The following IPCEF1 variants were observed in gnomAD, a reference collection of about 807,000 sequenced individuals.
The protein encoded by IPCEF1 is interactor protein for cytohesin exchange factors 1.
A neutral mutation model predicts 50.9 loss-of-function variants in IPCEF1; 31 were observed. That is an observed-to-expected ratio of 0.61 (90% CI 0.46 to 0.82). IPCEF1 has a LOEUF of 0.82. Ranked by LOEUF, IPCEF1 falls within the 40% of genes least tolerant of loss-of-function variation. IPCEF1 has a pLI of 0.00. For synonymous variants in IPCEF1, 181 were observed against 192.0 expected, an observed-to-expected ratio of 0.94 and a Z score of 0.47; for missense variants, 458 against 514.0, an observed-to-expected ratio of 0.89 and a Z score of 1.05.
At chr6:154,221,920 C>A (rs961339511) in intron 6 of IPCEF1, among the ~76,000 whole-genome samples, 10 of 152,148 alleles carry the variant, frequency 6.6e-5, no homozygotes, top group Admixed American at 5.2e-4. Flanking sequence ...GGTATATCCT[C>A]TTCCTTTCAC....
At chr6:154,313,821 GC>G (rs1265477458) in intron 1 of IPCEF1, among the ~76,000 whole-genome samples, 1 of 152,070 alleles carries the variant, frequency 6.6e-6, no homozygotes, top group Admixed American at 6.6e-5. Context: ...TCAGCTCACT[GC>G]AGCCTCAAAC....
intron 1 of IPCEF1, among the ~76,000 whole-genome samples, chr6:154,308,411 G>C (rs1782993195): frequency 1.3e-5 from 2 of 152,270 alleles, no homozygotes; most frequent in Non-Finnish European, 2.9e-5. Context: ...ACAGGCTTGA[G>C]CCACCACACC....
intron 5 of IPCEF1, among the ~76,000 whole-genome samples, chr6:154,244,790 A>G (rs1780898159): frequency 6.6e-6 from 1 of 152,220 alleles, no homozygotes; most frequent in African/African-American, 2.4e-5. Flanking sequence ...TATTTGCTAA[A>G]TAATTTGATT....
At chr6:154,305,135 A>G (rs1400049355) in intron 1 of IPCEF1, among the ~76,000 whole-genome samples, 1 of 146,456 alleles carries the variant, frequency 6.8e-6, no homozygotes, top group African/African-American at 2.7e-5. Context: ...AAAGAAAAGA[A>G]AAGAAAGAAA....
intron 1 of IPCEF1, among the ~76,000 whole-genome samples, chr6:154,343,857 G>A (rs770563108): frequency 2.0e-5 from 3 of 152,196 alleles, no homozygotes; most frequent in Middle Eastern, 3.2e-3. Flanking sequence ...TAGAAACTGG[G>A]TCCACCCAAC....
intron 1 of IPCEF1, among the ~76,000 whole-genome samples, chr6:154,298,861 C>T (rs527472361): frequency 6.6e-6 from 1 of 151,732 alleles, no homozygotes; most frequent in East Asian, 1.9e-4. Flanking sequence ...ACTTGGGAAG[C>T]TGAGGCAGGA....
intron 10 of IPCEF1, among the ~76,000 whole-genome samples, chr6:154,178,546 C>A (rs1296760104): frequency 6.6e-6 from 1 of 152,044 alleles, no homozygotes; most frequent in East Asian, 1.9e-4. Context: ...TTGGGTTGGG[C>A]AACTGTGTAT....
chr6:154,334,356 G>C (rs1783743510), intron 1 of IPCEF1, among the ~76,000 whole-genome samples: 1 of 152,154 alleles, frequency 6.6e-6, no homozygotes, highest in Non-Finnish European at 1.5e-5. Flanking sequence ...TTGGCTCTCA[G>C]TTCCCCATCC....
intron 11 of IPCEF1, among the ~76,000 whole-genome samples, chr6:154,162,135 G>A (rs940140316): frequency 3.3e-5 from 5 of 152,162 alleles, no homozygotes; most frequent in South Asian, 4.1e-4. Context: ...TGTGCTCCTA[G>A]TAAAGGCCAA....
chr6:154,321,778 T>C (rs1384749181), intron 1 of IPCEF1, among the ~76,000 whole-genome samples: 1 of 51,936 alleles, frequency 1.9e-5, no homozygotes, highest in African/African-American at 5.4e-5. Flanking sequence ...AGACTCTTTC[T>C]AAAAAAAAAA....
chr6:154,308,345 A>C (rs1367307015), intron 1 of IPCEF1, among the ~76,000 whole-genome samples: 1 of 151,914 alleles, frequency 6.6e-6, no homozygotes, highest in Middle Eastern at 3.4e-3. Context: ...TTAGTCTCCA[A>C]CTCCTGAGCT....
chr6:154,198,051 A>G (rs1776763312), intron 10 of IPCEF1, among the ~76,000 whole-genome samples: 1 of 152,192 alleles, frequency 6.6e-6, no homozygotes. Flanking sequence ...AGGTGTGACC[A>G]ATACACAATA....
At chr6:154,180,202 T>C (rs1350453825) in intron 10 of IPCEF1, among the ~76,000 whole-genome samples, 2 of 152,082 alleles carry the variant, frequency 1.3e-5, no homozygotes, top group African/African-American at 2.4e-5. Flanking sequence ...CAGTGCCTCA[T>C]AATGTTGAGT....
At position 154,157,244 on chromosome 6, in the gene IPCEF1, C is replaced by G. The variant is rs986291230; in HGVS notation, c.*2584G>C. The G allele has an allele frequency of 9.2e-5, 14 of 152,356 alleles. No individual in the cohort carries two copies. Among genetic ancestry groups the G allele is most frequent in the African/African-American group, 3.4e-4 (14 of 41,480 alleles). 9.4% of individuals were successfully genotyped at this position (152,356 alleles called of 1,614,324 possible). Reference sequence around the variant, plus strand: ...TCACTCCTGTCTATCCCCCCACCCACGTCTTAGTGGCCACAGCCTAGGCTG... The same window carrying G: ...TCACTCCTGTCTATCCCCCCACCCAGGTCTTAGTGGCCACAGCCTAGGCTG... On this transcript the variant is annotated 3_prime_UTR_variant, in exon 12 of 12. Coordinates refer to ENST00000367220, the MANE Select transcript of IPCEF1 (RefSeq NM_001130700.2).
At chr6:154,263,950 C>A (rs1368468458) in intron 3 of IPCEF1, among the ~76,000 whole-genome samples, 1 of 136,194 alleles carries the variant, frequency 7.3e-6, no homozygotes, top group Non-Finnish European at 1.6e-5. Context: ...TAGGGGCGGC[C>A]GGGCAGAGGC....
chr6:154,241,041 T>TC lies in IPCEF1; in HGVS notation c.246+5549dup, dbSNP rs562433196. On this transcript the variant is annotated intron_variant, in intron 5 of 11. Coordinates refer to ENST00000367220, the MANE Select transcript of IPCEF1 (RefSeq NM_001130700.2). ...TCATGAGGTCAAGAGATCGAGACCA[T>TC]CCTGGCCAACATGGTGAAACCCCGT... 2.9e-3 allele frequency among the ~76,000 whole-genome samples: 442 copies of TC among 151,954 alleles called. 3 individuals are homozygous for TC. The highest frequency in any genetic ancestry group is 0.02 in the Middle Eastern group (6 of 294).
chr6:154,346,200 T>C (rs1223532394), intron 1 of IPCEF1, among the ~76,000 whole-genome samples: 1 of 152,170 alleles, frequency 6.6e-6, no homozygotes, highest in Non-Finnish European at 1.5e-5. Context: ...AGCAAAAACA[T>C]TGAAGATTTT....
rs541210735 is a variant in IPCEF1 at position 154,288,392 on chromosome 6, G to A, written c.-18+1321C>T. ...TAGATAACTGTGGGCGGCCGGGCGC[G>A]GTGGCTCACGCCTGTAATCCCAGCA... On this transcript the variant is annotated intron_variant, in intron 2 of 11. Coordinates refer to ENST00000367220, the MANE Select transcript of IPCEF1 (RefSeq NM_001130700.2). Among the ~76,000 whole-genome samples, 15 of 152,272 alleles carry A rather than the reference G, an allele frequency of 9.9e-5. No homozygotes were observed. The South Asian group carries it at 1.0e-3, about 11-fold the overall frequency.
At position 154,338,846 on chromosome 6, in the gene IPCEF1, C is replaced by T. The variant is rs150650267; in HGVS notation, c.-62+17826G>A. Among the ~76,000 whole-genome samples the T allele has an allele frequency of 5.9e-3, 894 of 152,116 alleles. 6 individuals carry two copies. Among genetic ancestry groups the T allele is most frequent in the African/African-American group, 0.02 (830 of 41,490 alleles). ...CTGAGACAGGAGGATCGCTTGAGCC[C>T]GGGAGGTGGAGGTTGCAGTGAGCTG... On this transcript the variant is annotated intron_variant, in intron 1 of 11. Transcript: ENST00000367220.
Sources: gnomAD v4.1 joint callset for allele counts (sites outside exome capture counted in the v4.1 genomes callset) on GRCh38, gnomAD v4.1.1 for gene constraint, MANE v1.5 for transcripts, NCBI Gene and HGNC (gene_info 2026-07-23, HGNC 2026-07-21) for gene names.